Variants in CELF1 observed in about 807,000 individuals in gnomAD.
The protein encoded by CELF1 is CUGBP Elav-like family member 1.
A neutral mutation model predicts 61.8 loss-of-function variants in CELF1; 10 were observed. The observed-to-expected ratio is 0.16, with a 90% CI of 0.10 to 0.27. The LOEUF is 0.27. CELF1 is among the 10% of genes least tolerant of loss of function. The pLI is 1.00. For synonymous variants in CELF1, 236 were observed against 225.1 expected, an observed-to-expected ratio of 1.05 and a Z score of -0.43; for missense variants, 380 against 639.1, an observed-to-expected ratio of 0.59 and a Z score of 4.37.
chr11:47,525,179 T>C (rs2096172446), intron 1 of CELF1, among the ~76,000 whole-genome samples: 1 of 152,214 alleles, frequency 6.6e-6, no homozygotes, highest in South Asian at 2.1e-4. Context: ...ATTCCAACTG[T>C]GTATGTTTTG....
At chr11:47,541,852 C>T (rs1216836862) in intron 1 of CELF1, among the ~76,000 whole-genome samples, 1 of 151,164 alleles carries the variant, frequency 6.6e-6, no homozygotes, top group Non-Finnish European at 1.5e-5. Flanking sequence ...AAACTACTGA[C>T]CCTTCGAAAT....
At chr11:47,541,941 T>C (rs2096817100) in intron 1 of CELF1, among the ~76,000 whole-genome samples, 1 of 150,518 alleles carries the variant, frequency 6.6e-6, no homozygotes, top group Non-Finnish European at 1.5e-5. Flanking sequence ...CTAAAGACAT[T>C]CCCCCCCAAA....
At position 47,469,383 on chromosome 11, in the gene CELF1, A is replaced by C. The variant is rs2077199666; in HGVS notation, c.*2847T>G. ...CCTGGCCACTCAAGGGGAACCCAGG[A>C]GACAGTGGTCTGGCTGCATTCAAGG... is the stretch of plus-strand genomic sequence containing the variant. On this transcript the variant is annotated 3_prime_UTR_variant, in exon 15 of 15. Coordinates refer to ENST00000687097, the MANE Select transcript of CELF1 (RefSeq NM_001376376.1). 6.6e-6 allele frequency: 1 copy of C among 152,284 alleles called. No individual in the cohort carries two copies. The allele number at this position is 152,284 out of a possible 1,614,324, so 9.4% of individuals were successfully genotyped here.
At chr11:47,519,975 A>G (rs2095797373) in intron 1 of CELF1, among the ~76,000 whole-genome samples, 1 of 150,434 alleles carries the variant, frequency 6.6e-6, no homozygotes, top group Non-Finnish European at 1.5e-5. Flanking sequence ...TTAACTTGTC[A>G]GTGCTTTGAT....
chr11:47,494,123 A>G (rs952853582), intron 3 of CELF1, among the ~76,000 whole-genome samples: 5 of 152,228 alleles, frequency 3.3e-5, no homozygotes, highest in African/African-American at 7.2e-5. Flanking sequence ...CATTCCTAAG[A>G]GGCAAGTCTA....
upstream of CELF1, among the ~76,000 whole-genome samples, chr11:47,554,187 G>T (rs141620765): frequency 1.3e-5 from 2 of 151,992 alleles, no homozygotes; most frequent in Admixed American, 6.6e-5. Context: ...TTTCGCCTTT[G>T]GGGGGGAAAA....
At chr11:47,503,629 G>C (rs1267858039) in intron 1 of CELF1, among the ~76,000 whole-genome samples, 1 of 152,034 alleles carries the variant, frequency 6.6e-6, no homozygotes, top group East Asian at 1.9e-4. Flanking sequence ...TTTCATAAGA[G>C]AGAAAAAAAG....
At chr11:47,512,746 C>T (rs1437901550) in intron 1 of CELF1, among the ~76,000 whole-genome samples, 1 of 152,152 alleles carries the variant, frequency 6.6e-6, no homozygotes, top group Non-Finnish European at 1.5e-5. Context: ...ATGCCCTTTA[C>T]TTCTTTCTTC....
intron 12 of CELF1, among the ~76,000 whole-genome samples, chr11:47,475,725 C>T (rs1315900508): frequency 2.0e-5 from 3 of 152,134 alleles, no homozygotes; most frequent in African/African-American, 7.2e-5. Flanking sequence ...TTAAGAAATG[C>T]CATACGCGGG....
chr11:47,540,425 C>G (rs560933554), intron 1 of CELF1, among the ~76,000 whole-genome samples: 232 of 152,294 alleles, frequency 1.5e-3, no homozygotes, highest in Non-Finnish European at 2.6e-3. Flanking sequence ...TGTTGAAAGC[C>G]TGCTATAAAA....
At chr11:47,542,761 G>A (rs891995733) in intron 1 of CELF1, among the ~76,000 whole-genome samples, 1 of 152,120 alleles carries the variant, frequency 6.6e-6, no homozygotes, top group Non-Finnish European at 1.5e-5. Context: ...GCCTCCCAAA[G>A]TGCTGGGATT....
chr11:47,558,641 A>G (rs1436604726), intron 2 of CELF1, among the ~76,000 whole-genome samples: 1 of 105,310 alleles, frequency 9.5e-6, no homozygotes, highest in Non-Finnish European at 1.7e-5. Flanking sequence ...TATAATGTGT[A>G]ATATATTAGA....
At chr11:47,543,542 CTACTT>C (rs1030291964) in intron 1 of CELF1, among the ~76,000 whole-genome samples, 3 of 152,176 alleles carry the variant, frequency 2.0e-5, no homozygotes, top group African/African-American at 7.2e-5. Context: ...AAAGAAACCT[CTACTT>C]TAAGAAGATT....
chr11:47,483,512 T>C lies in CELF1; in HGVS notation c.547A>G (p.Thr183Ala). 1.2e-6 allele frequency: 2 copies of C among 1,613,996 alleles called. No individual in the cohort carries two copies. The highest frequency in any genetic ancestry group is 2.7e-5 in the African/African-American group (2 of 75,034). ...LSRGCAFVTF[T>A]TRAMAQTAIK... ...GCCGTCTGTGCCATGGCTCTTGTTGTAAAAGTCACAAATGCACAACCTGGT... is the reference window on the plus strand; with the variant it reads ...GCCGTCTGTGCCATGGCTCTTGTTGCAAAAGTCACAAATGCACAACCTGGT... The change falls in exon 8 of 15, where the codon ACA (threonine) becomes GCA (alanine). Residue 183 changes from threonine to alanine, a missense_variant. Coordinates refer to ENST00000687097, the MANE Select transcript of CELF1 (RefSeq NM_001376376.1).
chr11:47,531,489 A>C lies in CELF1; in HGVS notation c.-154+21503T>G, dbSNP rs929687016. Among the ~76,000 whole-genome samples, 3 of 152,094 alleles carry C rather than the reference A, an allele frequency of 2.0e-5. No homozygotes were observed. In the South Asian group the frequency reaches 6.2e-4, roughly 31 times the overall value. ...GGGGCTGAGGTAGGAGAATTGCTTGAATCTGGGAGGCAGAGGTTGCAGTGA... is the reference window on the plus strand; with the variant it reads ...GGGGCTGAGGTAGGAGAATTGCTTGCATCTGGGAGGCAGAGGTTGCAGTGA... On this transcript the variant is annotated intron_variant, in intron 1 of 14. Transcript: ENST00000687097.
At chr11:47,561,065 G>A (rs1034277676) in intron 2 of CELF1, among the ~76,000 whole-genome samples, 1 of 149,364 alleles carries the variant, frequency 6.7e-6, no homozygotes, top group Non-Finnish European at 1.5e-5. Flanking sequence ...ATGAGCCCGG[G>A]AGGCAGAGCT....
intron 3 of CELF1, among the ~76,000 whole-genome samples, chr11:47,492,805 A>G (rs1453061369): frequency 6.6e-6 from 1 of 152,154 alleles, no homozygotes; most frequent in African/African-American, 2.4e-5. Flanking sequence ...TTTAATTACC[A>G]GTTGTAATAG....
intron 10 of CELF1, 72 bp from the exon 11 acceptor site, chr11:47,477,497 C>T: frequency 6.5e-7 from 1 of 1,531,132 alleles, no homozygotes; most frequent in Non-Finnish European, 9.0e-7. Context: ...ATGACAAGCA[C>T]ACACTGGCAG....
At chr11:47,476,084 C>G (rs2079994832) in intron 12 of CELF1, among the ~76,000 whole-genome samples, 1 of 151,528 alleles carries the variant, frequency 6.6e-6, no homozygotes, top group African/African-American at 2.4e-5. Flanking sequence ...ACTGCAGCCT[C>G]AAGCTCCCAG....
Sources: gnomAD v4.1 joint callset for allele counts (sites outside exome capture counted in the v4.1 genomes callset) on GRCh38, gnomAD v4.1.1 for gene constraint, MANE v1.5 for transcripts, NCBI Gene and HGNC (gene_info 2026-07-23, HGNC 2026-07-21) for gene names.